SLC44A3: variants seen among roughly 807,000 people sequenced by gnomAD.
SLC44A3 encodes choline transporter-like protein 3.
In SLC44A3, 74 loss-of-function variants were observed where a neutral mutation model predicts 75.4. The observed-to-expected ratio is 0.98, with a 90% confidence interval of 0.81 to 1.19. The LOEUF is 1.19. Among genes scored for constraint, SLC44A3 ranks in the 50% most tolerant of loss-of-function variants. The pLI, the probability that SLC44A3 is intolerant of heterozygous loss-of-function variation, is 0.00. For synonymous variants in SLC44A3, 310 were observed against 296.9 expected (o/e 1.04, Z -0.45); for missense variants, 700 against 778.6 (o/e 0.90, Z 1.20).
intron 12 of SLC44A3, among the ~76,000 whole-genome samples, chr1:94,886,568 A>C (rs868443358): frequency 1.3e-4 from 19 of 151,982 alleles, no homozygotes; most frequent in Admixed American, 5.2e-4. Flanking sequence ...TGCCACTTCC[A>C]TGAAGCCTTC....
At chr1:94,867,949 G>A (rs1667353626) in intron 12 of SLC44A3, among the ~76,000 whole-genome samples, 1 of 152,084 alleles carries the variant, frequency 6.6e-6, no homozygotes, top group Non-Finnish European at 1.5e-5. Context: ...TCAACTAAGA[G>A]CTAATTTTCA....
intron 12 of SLC44A3, among the ~76,000 whole-genome samples, chr1:94,879,622 G>A (rs1050394685): frequency 3.3e-5 from 5 of 150,768 alleles, no homozygotes; most frequent in Middle Eastern, 3.2e-3. Flanking sequence ...GGCAGATCAC[G>A]AGGTCAGGAG....
intron 8 of SLC44A3, 108 bp downstream of exon 8, chr1:94,842,232 A>G (rs1260997266): frequency 2.1e-6 from 3 of 1,434,814 alleles, no homozygotes; most frequent in Non-Finnish European, 2.8e-6. Flanking sequence ...CTTTTGATTT[A>G]GAATGTGCCT....
chr1:94,830,642 T>C (rs1662000642), intron 5 of SLC44A3, among the ~76,000 whole-genome samples: 1 of 152,112 alleles, frequency 6.6e-6, no homozygotes, highest in Non-Finnish European at 1.5e-5. Flanking sequence ...AAAACTAGAA[T>C]GTTTTAGTAA....
At chr1:94,838,290 T>C (rs2101031277) in intron 6 of SLC44A3, among the ~76,000 whole-genome samples, 1 of 152,318 alleles carries the variant, frequency 6.6e-6, no homozygotes, top group East Asian at 1.9e-4. Context: ...CAAGGACATG[T>C]ATGCATCCAT....
At chr1:94,846,958 C>T (rs1664481991) in intron 9 of SLC44A3, among the ~76,000 whole-genome samples, 1 of 152,254 alleles carries the variant, frequency 6.6e-6, no homozygotes, top group Non-Finnish European at 1.5e-5. Context: ...CGTCAGCAGG[C>T]TGCCTGGAAG....
chr1:94,891,691 G>A (rs1276847237), intron 13 of SLC44A3, among the ~76,000 whole-genome samples: 1 of 152,142 alleles, frequency 6.6e-6, no homozygotes, highest in African/African-American at 2.4e-5. Flanking sequence ...GGGATACCGA[G>A]GCAGGCAGAT....
chr1:94,879,715 T>G (rs1668736945), intron 12 of SLC44A3, among the ~76,000 whole-genome samples: 1 of 151,308 alleles, frequency 6.6e-6, no homozygotes, highest in African/African-American at 2.4e-5. Context: ...GGCAGGTGCC[T>G]GTAGTCCCAG....
At chr1:94,823,822 G>T (rs981781025) in intron 2 of SLC44A3, among the ~76,000 whole-genome samples, 7 of 152,124 alleles carry the variant, frequency 4.6e-5, no homozygotes, top group Non-Finnish European at 5.9e-5. Flanking sequence ...TTCAATCTTG[G>T]CAGAGAGCCT....
intron 2 of SLC44A3, among the ~76,000 whole-genome samples, chr1:94,822,653 A>G (rs1229745926): frequency 3.3e-5 from 5 of 152,172 alleles, no homozygotes; most frequent in Admixed American, 6.5e-5. Context: ...GCCTGTGTTT[A>G]TATTTGCATT....
At chr1:94,879,760 A>G (rs1024704546) in intron 12 of SLC44A3, among the ~76,000 whole-genome samples, 4 of 150,186 alleles carry the variant, frequency 2.7e-5, no homozygotes, top group Non-Finnish European at 5.9e-5. Context: ...AATGGTGTGA[A>G]CCTGGGAGGC....
intron 9 of SLC44A3, among the ~76,000 whole-genome samples, chr1:94,847,348 C>T (rs1253180004): frequency 6.6e-6 from 1 of 152,154 alleles, no homozygotes; most frequent in Non-Finnish European, 1.5e-5. Flanking sequence ...TGTCTTATTC[C>T]GACCTTGAGG....
At chr1:94,826,755 G>A (rs1048127191) in intron 3 of SLC44A3, among the ~76,000 whole-genome samples, 5 of 151,996 alleles carry the variant, frequency 3.3e-5, no homozygotes, top group Non-Finnish European at 7.4e-5. Context: ...CTCATCTCCT[G>A]TTGCACCACC....
intron 2 of SLC44A3, 128 bp from the exon 3 acceptor site, chr1:94,824,365 C>A: frequency 8.9e-7 from 1 of 1,118,546 alleles, no homozygotes; most frequent in Non-Finnish European, 1.2e-6. Flanking sequence ...ACTGACGGAG[C>A]AAAGCGCTAT....
In SLC44A3 at chr1:94,892,341, T is replaced by A; in HGVS notation, c.1681T>A (p.Phe561Ile). Residue 561 changes from phenylalanine (F) to isoleucine (I), a missense_variant, in exon 14 of 15, where the codon TTC (phenylalanine) becomes ATC (isoleucine). By Grantham distance (21) the Phe-to-Ile change is conservative (BLOSUM62 0). Coordinates refer to ENST00000271227, the MANE Select transcript of SLC44A3 (RefSeq NM_001114106.3). Reference protein sequence around the residue: ...GLMAFNYNRAFQVWAVPLLLV... With the variant: ...GLMAFNYNRAIQVWAVPLLLV... ...CATGGCTTTTAACTACAATCGGGCA[T>A]TCCAGGTGTGGGCAGTCCCTCTGTT... 1 of 1,614,242 alleles carries A rather than the reference T, an allele frequency of 6.2e-7. No individual in the cohort carries two copies. Among genetic ancestry groups the A allele is most frequent in the Non-Finnish European group, 8.5e-7 (1 of 1,180,038 alleles).
At position 94,888,640 on chromosome 1, in the gene SLC44A3, T is replaced by C. The variant is rs566266334; in HGVS notation, c.1483-2490T>C. 1.1e-5 allele frequency: 10 copies of C among 942,758 alleles called. No homozygotes were observed. In the East Asian group the frequency reaches 1.2e-3, roughly 110 times the overall value. The allele number at this position is 942,758 out of a possible 1,614,324, so 58.4% of individuals were successfully genotyped here. On this transcript the variant is annotated intron_variant, in intron 12 of 14. Transcript: ENST00000271227. ...AAACCAAAATTTCCTTGTGGAACTTTCTTTTTTTTTTTTGCAGGAAATTCA... is the reference window on the plus strand; with the variant it reads ...AAACCAAAATTTCCTTGTGGAACTTCCTTTTTTTTTTTTGCAGGAAATTCA...
chr1:94,882,095 A>G (rs1181746379), intron 12 of SLC44A3, among the ~76,000 whole-genome samples: 3 of 152,230 alleles, frequency 2.0e-5, no homozygotes, highest in Non-Finnish European at 2.9e-5. Context: ...TTGGCCCAGT[A>G]TGCCAGGCAC....
chr1:94,822,537 C>T (rs533797907), intron 2 of SLC44A3, among the ~76,000 whole-genome samples: 16 of 132,516 alleles, frequency 1.2e-4, no homozygotes, highest in African/African-American at 3.7e-4. Flanking sequence ...GGTCTTGTGA[C>T]AGATGTCCTG....
At chr1:94,862,528 A>C (rs1666695332) in intron 10 of SLC44A3, among the ~76,000 whole-genome samples, 1 of 152,190 alleles carries the variant, frequency 6.6e-6, no homozygotes, top group Non-Finnish European at 1.5e-5. Flanking sequence ...CACAGCTTGG[A>C]TTGATGTGGT....
Sources: gnomAD v4.1 joint callset for allele counts (sites outside exome capture counted in the v4.1 genomes callset) on GRCh38, gnomAD v4.1.1 for gene constraint, MANE v1.5 for transcripts, NCBI Gene and HGNC (gene_info 2026-07-23, HGNC 2026-07-21) for gene names.